SH3D21: variants seen among roughly 807,000 people sequenced by gnomAD.
The protein encoded by SH3D21 is SH3 domain-containing protein 21.
Under a neutral mutation model 82.1 loss-of-function variants are expected in SH3D21, and 83 were observed. The ratio of observed to expected loss-of-function variants is 1.01; its 90% CI spans 0.85 to 1.21. SH3D21 has a LOEUF of 1.21. SH3D21 is among the 50% of genes most tolerant of loss of function. The pLI is 0.00. For missense variants in SH3D21, 980 were observed against 962.1 expected, an observed-to-expected ratio of 1.02 and a Z score of -0.25; for synonymous variants, 383 against 387.8, an observed-to-expected ratio of 0.99 and a Z score of 0.15.
intron 9 of SH3D21, 63 bp downstream of exon 9, chr1:36,308,538 C>G: frequency 7.2e-7 from 1 of 1,381,782 alleles, no homozygotes; most frequent in East Asian, 2.5e-5. Flanking sequence ...AGGTGGGGAT[C>G]ATGGGCACTC....
In SH3D21 at chr1:36,307,341, A is replaced by G. The variant is rs1490874648; in HGVS notation, c.345+56A>G. 2 of 1,544,172 alleles carry G rather than the reference A, an allele frequency of 1.3e-6. No homozygotes were observed. The highest frequency in any genetic ancestry group is 1.2e-5 in the South Asian group (1 of 83,658). On this transcript the variant is annotated intron_variant, in intron 4 of 15. Transcript: ENST00000453908. The surrounding 1 kb of genome is among the most constrained non-coding windows in gnomAD (Gnocchi z 5.4). ...GGAGGATGATGGAACGCGCCTCCCT[A>G]GTGAGCGGGGTGGGAAGTGAGGGTG... is the stretch of plus-strand genomic sequence containing the variant.
At position 36,307,550 on chromosome 1, in the gene SH3D21, G is replaced by A; in HGVS notation, c.379G>A (p.Gly127Arg). 1.3e-6 allele frequency: 2 copies of A among 1,551,664 alleles called. No individual in the cohort carries two copies. The highest frequency in any genetic ancestry group is 1.2e-5 in the South Asian group (1 of 84,056). Reference sequence around the variant, plus strand: ...CGGCTGGTGGCTGGGGAAGAAGAACGGGCAGCTGGGAGCCTTCCCATCCAA... The same window carrying A: ...CGGCTGGTGGCTGGGGAAGAAGAACAGGCAGCTGGGAGCCTTCCCATCCAA... ...EDGWWLGKKN[G>R]QLGAFPSNFV... is the part of the protein sequence containing the mutation. Residue 127 changes from glycine to arginine, a missense_variant, in exon 5 of 16, where the codon GGG (glycine) becomes AGG (arginine). Coordinates refer to ENST00000453908, the MANE Select transcript of SH3D21 (RefSeq NM_001162530.2). The surrounding 1 kb of genome is among the most constrained non-coding windows in gnomAD (Gnocchi z 5.4).
chr1:36,307,363 G>C lies in SH3D21; in HGVS notation c.345+78G>C. 2 of 1,532,580 alleles carry C rather than the reference G, an allele frequency of 1.3e-6. No individual in the cohort carries two copies. Among genetic ancestry groups the C allele is most frequent in the South Asian group, 2.4e-5 (2 of 82,676 alleles). The allele number at this position is 1,532,580 out of a possible 1,614,324, so 94.9% of individuals were successfully genotyped here. A position where few individuals can be genotyped will look rare whatever the true frequency, so the allele number is the denominator to read the frequency against. On this transcript the variant is annotated intron_variant, in intron 4 of 15. Transcript: ENST00000453908. The surrounding 1 kb of genome is among the most constrained non-coding windows in gnomAD (Gnocchi z 5.4). ...CCTAGTGAGCGGGGTGGGAAGTGAGGGTGTGGACGGTGGGAATGGCGACGG... is the reference window on the plus strand; with the variant it reads ...CCTAGTGAGCGGGGTGGGAAGTGAGCGTGTGGACGGTGGGAATGGCGACGG...
intron 14 of SH3D21, 58 bp downstream of exon 14, chr1:36,320,856 G>A: frequency 6.4e-7 from 1 of 1,550,410 alleles, no homozygotes. Context: ...CCTCACCTGC[G>A]CAGCCCCTCA....
intron 14 of SH3D21, 38 bp from the exon 15 acceptor site, chr1:36,320,877 T>C (rs374506929): frequency 1.9e-6 from 3 of 1,552,540 alleles, no homozygotes. Context: ...CCTCCAGCCC[T>C]CACCTGCCCA....
Position 36,320,738 on chromosome 1 carries a change from C to G in SH3D21, c.2075C>G (p.Ser692Trp). 1 of 1,608,534 alleles carries G rather than the reference C, an allele frequency of 6.2e-7. No homozygotes were observed. The highest frequency in any genetic ancestry group is 8.5e-7 in the Non-Finnish European group (1 of 1,177,206). The change falls in exon 14 of 16, where the codon TCG (serine) becomes TGG (tryptophan). Residue 692 changes from serine to tryptophan, a missense_variant. Transcript: ENST00000453908. ...ENKNEGVDVT[S>W]LRGEVESLRR... ...AAGAATGAAGGAGTTGATGTAACGT[C>G]GCTGAGGGGCGAGGTGGAGTCTCTA...
Position 36,320,568 on chromosome 1 carries a change from C to T in SH3D21, c.1905C>T (p.Pro635=), listed in dbSNP as rs1646433928. The change falls in exon 14 of 16, where the codon CCC becomes CCT. Residue 635 remains proline (P), a synonymous_variant. Transcript: ENST00000453908. ...KEEVTLKEEL[P]PKEEVAPKEE... is the part of the protein sequence containing the mutation. ...AGGTGACCCTGAAAGAGGAATTGCCCCCTAAAGAGGAAGTGGCTCCAAAAG... is the reference window on the plus strand; with the variant it reads ...AGGTGACCCTGAAAGAGGAATTGCCTCCTAAAGAGGAAGTGGCTCCAAAAG... 1.2e-6 allele frequency: 2 copies of T among 1,614,164 alleles called. No individual in the cohort carries two copies. Among genetic ancestry groups the T allele is most frequent in the Non-Finnish European group, 1.7e-6 (2 of 1,180,018 alleles).
downstream of SH3D21, among the ~76,000 whole-genome samples, chr1:36,325,053 T>G (rs1646528495): frequency 6.6e-6 from 1 of 152,246 alleles, no homozygotes; most frequent in African/African-American, 2.4e-5. Context: ...TTTTTTTCTT[T>G]GAGACAGGGT....
At chr1:36,321,922 G>T, downstream of SH3D21, 1 of 1,094,560 alleles carries the variant, frequency 9.1e-7, no homozygotes, top group East Asian at 6.0e-5. The surrounding 1 kb of genome is among the most constrained non-coding windows in gnomAD (Gnocchi z 6.1). Flanking sequence ...GTGGGTGGGG[G>T]TGGTGCAGCT....
At position 36,307,150 on chromosome 1, in the gene SH3D21, C is replaced by T. The variant is rs567596663; in HGVS notation, c.227-17C>T. ...GGGGCGTCCGACTGGAGCTCAGCCG[C>T]GCTTGTCCGGTGCTAGGTCATCCTG... On this transcript the variant is annotated splice_polypyrimidine_tract_variant and intron_variant, in intron 3 of 15. Coordinates refer to ENST00000453908, the MANE Select transcript of SH3D21 (RefSeq NM_001162530.2). The surrounding 1 kb of genome is among the most constrained non-coding windows in gnomAD (Gnocchi z 5.4). 4.5e-6 allele frequency: 7 copies of T among 1,551,334 alleles called. No individual in the cohort carries two copies. The highest frequency in any genetic ancestry group is 3.6e-5 in the South Asian group (3 of 83,884).
downstream of SH3D21, chr1:36,322,858 G>T: frequency 6.6e-7 from 1 of 1,513,202 alleles, no homozygotes; most frequent in Non-Finnish European, 9.1e-7. Flanking sequence ...GGAACCGCCA[G>T]CGGGCAAGAG....
chr1:36,323,833 G>C (rs1334800511), downstream of SH3D21: 1 of 152,342 alleles, frequency 6.6e-6, no homozygotes, highest in South Asian at 2.1e-4. Flanking sequence ...CAACAGAGAG[G>C]CTGGAGCTCT....
intron 10 of SH3D21, among the ~76,000 whole-genome samples, chr1:36,309,870 C>G (rs1441416160): frequency 6.6e-6 from 1 of 152,134 alleles, no homozygotes; most frequent in African/African-American, 2.4e-5. Flanking sequence ...TATGTCTGTT[C>G]ATATATAAGA....
Position 36,320,801 on chromosome 1 carries a change from G to A in SH3D21, c.2135+3G>A. ...GAGCTGATGGAGGTGCAGCTGGAGT[G>A]AGTGGGCAGTGGCGGGGGTTGTGGA... On this transcript the variant is annotated splice_donor_region_variant and intron_variant, in intron 14 of 15. Coordinates refer to ENST00000453908, the MANE Select transcript of SH3D21 (RefSeq NM_001162530.2). The A allele has an allele frequency of 6.4e-7, 1 of 1,562,800 alleles. No individual in the cohort carries two copies. The highest frequency in any genetic ancestry group is 8.7e-7 in the Non-Finnish European group (1 of 1,153,230).
At chr1:36,328,077 G>A (rs868316618), downstream of SH3D21, 7 of 460,336 alleles carry the variant, frequency 1.5e-5, no homozygotes, top group Non-Finnish European at 2.6e-5. Flanking sequence ...CCTGCTTGTT[G>A]ACTGCTTCTC....
Position 36,307,109 on chromosome 1 carries a change from C to G in SH3D21, c.227-58C>G, listed in dbSNP as rs1456674888. On this transcript the variant is annotated intron_variant, in intron 3 of 15. Transcript: ENST00000453908. This position sits in a 1 kb window ranked among gnomAD's most constrained non-coding sequence, Gnocchi z 5.4. ...GGCTACGTGCGCGCCTTGCGCTTCC[C>G]CCAGCTCCTCTGACTGGGGCGTCCG... The G allele has an allele frequency of 6.5e-7, 1 of 1,546,446 alleles. No homozygotes were observed. The highest frequency in any genetic ancestry group is 8.7e-7 in the Non-Finnish European group (1 of 1,144,034).
At chr1:36,317,183 T>C (rs1646359774) in intron 10 of SH3D21, among the ~76,000 whole-genome samples, 1 of 152,224 alleles carries the variant, frequency 6.6e-6, no homozygotes, top group Admixed American at 6.5e-5. Flanking sequence ...ACCTCGCATG[T>C]ATTAAGTCAC....
chr1:36,312,545 T>C (rs915235390), intron 10 of SH3D21, among the ~76,000 whole-genome samples: 1 of 152,236 alleles, frequency 6.6e-6, no homozygotes, highest in Non-Finnish European at 1.5e-5. Context: ...GACAGACATA[T>C]CATTTGTGAA....
rs771702024 is a variant in SH3D21, at chr1:36,319,037, CAGAT to C, written c.770-33_770-30del. On this transcript the variant is annotated intron_variant, in intron 10 of 15. Transcript: ENST00000453908. ...AGCACAAGACAGGGCTAGCGACTGT[CAGAT>C]GGATGAGTGCTCCACTCCTCTCTTC... 1.4e-3 allele frequency: 1,802 copies of C among 1,301,512 alleles called. 5 individuals are homozygous for C. The highest frequency in any genetic ancestry group is 2.0e-3 in the Admixed American group (101 of 50,666). 80.6% of individuals were successfully genotyped at this position (1,301,512 alleles called of 1,614,324 possible). A position where few individuals can be genotyped will look rare whatever the true frequency, so the allele number is the denominator to read the frequency against.
Sources: allele counts gnomAD v4.1 joint callset (sites outside exome capture counted in the v4.1 genomes callset), GRCh38; gene constraint gnomAD v4.1.1; non-coding constraint Gnocchi (gnomAD v3.1); transcripts MANE v1.5; gene names NCBI Gene and HGNC (gene_info 2026-07-23, HGNC 2026-07-21).